POLR1A: variants seen among roughly 807,000 people sequenced by gnomAD.
POLR1A encodes the protein RNA polymerase I subunit A, also known as DNA-directed RNA polymerase I subunit RPA1.
A neutral mutation model predicts 205.3 loss-of-function variants in POLR1A; 84 were observed. That is an observed-to-expected ratio of 0.41 (90% CI 0.34 to 0.49). The LOEUF (loss-of-function observed/expected upper bound fraction) is 0.49. Among genes scored for constraint, POLR1A ranks in the 20% least tolerant of loss-of-function variants. POLR1A has a pLI of 0.22. For synonymous variants in POLR1A, 799 were observed against 863.7 expected, an observed-to-expected ratio of 0.93 and a Z score of 1.31; for missense variants, 1,645 against 2,204.5, an observed-to-expected ratio of 0.75 and a Z score of 5.08.
intron 13 of POLR1A, among the ~76,000 whole-genome samples, chr2:86,066,138 A>G (rs1402168603): frequency 6.6e-6 from 1 of 152,226 alleles, no homozygotes; most frequent in African/African-American, 2.4e-5. Flanking sequence ...TCCGAAGGGC[A>G]GTTTCACAGT....
At chr2:86,065,603 C>A (rs1673072764) in intron 13 of POLR1A, 138 bp from the exon 14 acceptor site, 2 of 700,616 alleles carry the variant, frequency 2.9e-6, no homozygotes, top group Non-Finnish European at 2.4e-6. Context: ...CACATCCTCA[C>A]TATGTTCTTG....
chr2:86,033,828 G>C (rs374736095), intron 27 of POLR1A, 41 bp from the exon 28 acceptor site: 73 of 1,608,450 alleles, frequency 4.5e-5, no homozygotes, highest in Non-Finnish European at 5.9e-5. Flanking sequence ...TGCAGTACCA[G>C]CATGTCCAGC....
Position 86,065,557 on chromosome 2 carries a change from T to A in POLR1A, c.1867-92A>T. The A allele has an allele frequency of 3.8e-6, 4 of 1,054,290 alleles. No homozygotes were observed. The South Asian group carries it at 6.0e-5, about 16-fold the overall frequency. The allele number at this position is 1,054,290 out of a possible 1,614,324, so 65.3% of individuals were successfully genotyped here. ...TCGCCTGCCTGGAAGCCACTTTCTA[T>A]CAAGAGCCCTTCTTATATCCCTGTC... On this transcript the variant is annotated intron_variant, in intron 13 of 33. Transcript: ENST00000263857.
At chr2:86,091,836 G>A (rs1304111748) in intron 3 of POLR1A, among the ~76,000 whole-genome samples, 2 of 152,046 alleles carry the variant, frequency 1.3e-5, no homozygotes, top group Non-Finnish European at 2.9e-5. Flanking sequence ...GAAATAGGCC[G>A]GGCACGGTGG....
Position 86,089,831 on chromosome 2 carries a change from C to T in POLR1A, c.531G>A (p.Gln177=), listed in dbSNP as rs1673569963. The change falls in exon 4 of 34, where the codon CAG becomes CAA. Residue 177 remains glutamine (Q), a synonymous_variant. Transcript: ENST00000263857. ...GACAGTGTTAACTCACATGTGCGCC[C>T]TGGGACCCCAGGAGGTTGTTCTGCA... ...EIVQNNLLGS[Q]GAHVKNVCES... The T allele has an allele frequency of 3.7e-6, 6 of 1,600,638 alleles. No individual in the cohort carries two copies. Among genetic ancestry groups the T allele is most frequent in the Non-Finnish European group, 5.1e-6 (6 of 1,167,594 alleles).
chr2:86,028,936 A>C lies in POLR1A; in HGVS notation c.4780-225T>G. 1.9e-6 allele frequency: 1 copy of C among 526,716 alleles called. No individual in the cohort carries two copies. The highest frequency in any genetic ancestry group is 3.4e-6 in the Non-Finnish European group (1 of 292,034). The allele number at this position is 526,716 out of a possible 1,614,324, so 32.6% of individuals were successfully genotyped here. On this transcript the variant is annotated intron_variant, in intron 31 of 33. Coordinates refer to ENST00000263857, the MANE Select transcript of POLR1A (RefSeq NM_015425.6). The surrounding 1 kb of genome is among the most constrained non-coding windows in gnomAD (Gnocchi z 4.5). ...CAAGGTCTGTATCGTCATTACAAGA[A>C]TCCAGCGTGTCCACTTTGGACACGC... is the stretch of plus-strand genomic sequence containing the variant.
At chr2:86,094,551 GA>G (rs1183562737) in intron 3 of POLR1A, among the ~76,000 whole-genome samples, 3 of 152,176 alleles carry the variant, frequency 2.0e-5, no homozygotes, top group Admixed American at 1.3e-4. Context: ...ATGGTATTTA[GA>G]AAACAAGAAG....
intron 29 of POLR1A, 117 bp from the exon 30 acceptor site, chr2:86,031,752 C>T: frequency 7.4e-7 from 1 of 1,349,722 alleles, no homozygotes; most frequent in Non-Finnish European, 1.0e-6. Flanking sequence ...CTAGGCCCCA[C>T]CTGCTCCACA....
At chr2:86,051,628 C>G (rs779750877) in intron 16 of POLR1A, among the ~76,000 whole-genome samples, 21 of 152,240 alleles carry the variant, frequency 1.4e-4, no homozygotes, top group African/African-American at 5.1e-4. Flanking sequence ...GTCCCCCTAA[C>G]GCGAACAGCG....
chr2:86,028,802 T>C lies in POLR1A; in HGVS notation c.4780-91A>G. ...CTCCCCCTGGCCGCTCTCTCTCTCC[T>C]TGTGTCTGGCAGCTCGGTACAGCTG... On this transcript the variant is annotated intron_variant, in intron 31 of 33. Coordinates refer to ENST00000263857, the MANE Select transcript of POLR1A (RefSeq NM_015425.6). This position sits in a 1 kb window ranked among gnomAD's most constrained non-coding sequence, Gnocchi z 4.5. 1.1e-6 allele frequency: 1 copy of C among 910,242 alleles called. No homozygotes were observed. Among genetic ancestry groups the C allele is most frequent in the Middle Eastern group, 2.6e-4 (1 of 3,878 alleles). 56.4% of individuals were successfully genotyped at this position (910,242 alleles called of 1,614,324 possible).
chr2:86,082,006 AT>A (rs796391019), intron 7 of POLR1A, among the ~76,000 whole-genome samples: 52 of 146,316 alleles, frequency 3.6e-4, no homozygotes, highest in Admixed American at 5.5e-4. Flanking sequence ...TAATTTTTGT[AT>A]TTTTTTTTTT....
intron 27 of POLR1A, among the ~76,000 whole-genome samples, chr2:86,034,039 G>A (rs1458074162): frequency 6.6e-6 from 1 of 152,214 alleles, no homozygotes; most frequent in Non-Finnish European, 1.5e-5. Flanking sequence ...GTATGAGTAG[G>A]ACAGGCAGCT....
rs1672832316 is a variant in POLR1A at position 86,052,991 on chromosome 2, T to A, written c.2218A>T (p.Arg740Trp). ...ACTCCGCAGAGCAGCTCCCCTTCCC[T>A]GATGATCACCTGCAGAGGGCAAGGC... ...DSMCESQVII[R>W]EGELLCGVLD... Residue 740 changes from arginine to tryptophan, a missense_variant, in exon 16 of 34, where the codon AGG becomes TGG. Coordinates refer to ENST00000263857, the MANE Select transcript of POLR1A (RefSeq NM_015425.6). The A allele has an allele frequency of 4.4e-6, 7 of 1,579,698 alleles. No individual in the cohort carries two copies. The highest frequency in any genetic ancestry group is 2.3e-5 in the South Asian group (2 of 86,780).
chr2:86,086,265 G>T (rs1253571351), intron 6 of POLR1A, among the ~76,000 whole-genome samples: 1 of 151,476 alleles, frequency 6.6e-6, no homozygotes, highest in African/African-American at 2.4e-5. Flanking sequence ...TCACCATGTT[G>T]GTCAGGCTGG....
At chr2:86,069,093 C>T (rs1673131792) in intron 13 of POLR1A, among the ~76,000 whole-genome samples, 1 of 152,224 alleles carries the variant, frequency 6.6e-6, no homozygotes, top group African/African-American at 2.4e-5. Context: ...GCACCTACCT[C>T]CAAGGACTGT....
At chr2:86,067,572 C>T (rs995598904) in intron 13 of POLR1A, among the ~76,000 whole-genome samples, 14 of 151,948 alleles carry the variant, frequency 9.2e-5, no homozygotes, top group African/African-American at 1.2e-4. Context: ...ATAAAACCAA[C>T]GACAAAATGT....
chr2:86,067,104 G>A (rs1042359057), intron 13 of POLR1A, among the ~76,000 whole-genome samples: 1 of 151,998 alleles, frequency 6.6e-6, no homozygotes, highest in African/African-American at 2.4e-5. Context: ...TTACTTTGAT[G>A]GCTAAATCAT....
chr2:86,094,150 A>T (rs1292223836), intron 3 of POLR1A, among the ~76,000 whole-genome samples: 2 of 152,184 alleles, frequency 1.3e-5, no homozygotes, highest in Non-Finnish European at 2.9e-5. Context: ...TTTCCATGGT[A>T]AAGTTATTCT....
intron 14 of POLR1A, among the ~76,000 whole-genome samples, chr2:86,059,341 CT>C (rs1558772438): frequency 6.6e-6 from 1 of 152,130 alleles, no homozygotes; most frequent in Non-Finnish European, 1.5e-5. Flanking sequence ...ATGGAGTTCC[CT>C]TTGGAGGACT....
Sources: gnomAD v4.1 joint callset for allele counts (sites outside exome capture counted in the v4.1 genomes callset) on GRCh38, gnomAD v4.1.1 for gene constraint, Gnocchi (gnomAD v3.1) non-coding constraint, MANE v1.5 for transcripts, NCBI Gene and HGNC (gene_info 2026-07-23, HGNC 2026-07-21) for gene names.